Variants in TMPRSS15 observed in about 807,000 individuals in gnomAD.
The protein encoded by TMPRSS15 is transmembrane serine protease 15.
In TMPRSS15, 128 loss-of-function variants were observed where a neutral mutation model predicts 125.3. The ratio of observed to expected loss-of-function variants is 1.02; its 90% CI spans 0.89 to 1.18. The LOEUF (loss-of-function observed/expected upper bound fraction) is 1.18. TMPRSS15 is among the 50% of genes most tolerant of loss of function. The probability of loss-of-function intolerance (pLI) is 0.00; values close to 1 mark genes in which losing one functional copy is unlikely to be tolerated. For synonymous variants in TMPRSS15, 446 were observed against 423.2 expected (o/e 1.05, Z -0.66); for missense variants, 1,283 against 1,212.7 (o/e 1.06, Z -0.86).
At chr21:18,276,577 ATTTG>A (rs1427570225) in intron 23 of TMPRSS15, among the ~76,000 whole-genome samples, 1 of 152,090 alleles carries the variant, frequency 6.6e-6, no homozygotes, top group Non-Finnish European at 1.5e-5. Flanking sequence ...ATGATTTAAA[ATTTG>A]TTTGGTAGAT....
At chr21:18,338,603 C>T (rs1224191462) in intron 13 of TMPRSS15, among the ~76,000 whole-genome samples, 1 of 152,068 alleles carries the variant, frequency 6.6e-6, no homozygotes, top group Non-Finnish European at 1.5e-5. Context: ...TTTTCCTACA[C>T]CCATCCCTAC....
intron 1 of TMPRSS15, among the ~76,000 whole-genome samples, chr21:18,445,382 A>C (rs13052644): frequency 6.6e-6 from 1 of 151,454 alleles, no homozygotes; most frequent in Non-Finnish European, 1.5e-5. Flanking sequence ...GGTTTCACCA[A>C]GCTGGCCAGG....
At chr21:18,445,727 A>G (rs1407914772) in intron 1 of TMPRSS15, among the ~76,000 whole-genome samples, 1 of 152,212 alleles carries the variant, frequency 6.6e-6, no homozygotes, top group Non-Finnish European at 1.5e-5. Context: ...ATTTTATTAG[A>G]TGCTAAAAAA....
At chr21:18,384,370 G>A (rs953911494) in intron 3 of TMPRSS15, among the ~76,000 whole-genome samples, 7 of 151,986 alleles carry the variant, frequency 4.6e-5, no homozygotes, top group African/African-American at 1.7e-4. Context: ...GGTCTATTAG[G>A]GATTCACAAG....
intron 1 of TMPRSS15, among the ~76,000 whole-genome samples, chr21:18,447,828 T>C (rs2076258949): frequency 1.3e-5 from 2 of 152,174 alleles, no homozygotes; most frequent in Admixed American, 6.6e-5. Context: ...TTTCATAAAT[T>C]AGCTAATGTA....
At chr21:18,420,388 CAA>C (rs2076189780) in intron 1 of TMPRSS15, among the ~76,000 whole-genome samples, 1 of 152,080 alleles carries the variant, frequency 6.6e-6, no homozygotes, top group Non-Finnish European at 1.5e-5. Flanking sequence ...GAATAGAACA[CAA>C]AGTCTATTGA....
intron 22 of TMPRSS15, among the ~76,000 whole-genome samples, chr21:18,279,755 A>T (rs998378012): frequency 6.6e-6 from 1 of 152,076 alleles, no homozygotes; most frequent in South Asian, 2.1e-4. Flanking sequence ...AAATTATGGT[A>T]AGGATGATTT....
chr21:18,294,292 A>T lies in TMPRSS15; in HGVS notation c.2464T>A (p.Ser822Thr). 1 of 1,614,238 alleles carries T rather than the reference A, an allele frequency of 6.2e-7. No homozygotes were observed. The change falls in exon 21 of 25, where the codon TCC becomes ACC. Residue 822 changes from serine (S) to threonine (T), a missense_variant. Transcript: ENST00000284885. ...ASLVSSDWLV[S>T]AAHCVYGRNL... ...CACCCATACACGCAGTGTGCGGCGG[A>T]CACCAGCCAGTCACTGCTGACGAGA... is the stretch of plus-strand genomic sequence containing the variant.
chr21:18,330,755 T>C (rs1410670844), intron 14 of TMPRSS15, among the ~76,000 whole-genome samples: 1 of 152,198 alleles, frequency 6.6e-6, no homozygotes, highest in Non-Finnish European at 1.5e-5. Context: ...TTTCAGATTA[T>C]CACTTTGTTC....
intron 18 of TMPRSS15, among the ~76,000 whole-genome samples, chr21:18,298,689 G>T (rs1341228083): frequency 6.6e-6 from 1 of 151,966 alleles, no homozygotes; most frequent in Non-Finnish European, 1.5e-5. Context: ...ATGCCTTTAG[G>T]CTGGAAACAT....
intron 1 of TMPRSS15, among the ~76,000 whole-genome samples, chr21:18,419,468 A>G (rs1474474627): frequency 1.3e-5 from 2 of 151,922 alleles, no homozygotes; most frequent in Admixed American, 6.5e-5. Flanking sequence ...ATCGTGATCC[A>G]CCTGCCTCAG....
chr21:18,306,485 C>T (rs1360525047), intron 18 of TMPRSS15, among the ~76,000 whole-genome samples: 1 of 152,118 alleles, frequency 6.6e-6, no homozygotes, highest in Non-Finnish European at 1.5e-5. Flanking sequence ...TTCTTATTAG[C>T]ATTTGAGAAT....
chr21:18,437,265 T>C (rs1387105429), intron 1 of TMPRSS15, among the ~76,000 whole-genome samples: 1 of 151,772 alleles, frequency 6.6e-6, no homozygotes, highest in Non-Finnish European at 1.5e-5. Flanking sequence ...GAAAACTGGC[T>C]AGCCATATGT....
intron 1 of TMPRSS15, among the ~76,000 whole-genome samples, chr21:18,448,332 A>C (rs984521553): frequency 6.6e-6 from 1 of 152,186 alleles, no homozygotes; most frequent in Non-Finnish European, 1.5e-5. Context: ...GTCACTAAGA[A>C]TGCAGACTCT....
intron 3 of TMPRSS15, among the ~76,000 whole-genome samples, chr21:18,393,054 G>A (rs1050188299): frequency 1.3e-5 from 2 of 152,130 alleles, no homozygotes; most frequent in Non-Finnish European, 2.9e-5. Context: ...GAGAAAGCAG[G>A]ATGGTTTTGA....
At chr21:18,343,425 A>AT (rs1330779244) in intron 12 of TMPRSS15, 81 bp downstream of exon 12, 1 of 1,299,238 alleles carries the variant, frequency 7.7e-7, no homozygotes, top group Non-Finnish European at 1.1e-6. Flanking sequence ...AAATACATTA[A>AT]TTTTTTCACT....
chr21:18,298,902 G>A (rs993244591), intron 18 of TMPRSS15, among the ~76,000 whole-genome samples: 3 of 152,264 alleles, frequency 2.0e-5, no homozygotes, highest in East Asian at 1.9e-4. Flanking sequence ...TAGAAGATAC[G>A]AACTATTTAG....
intron 21 of TMPRSS15, among the ~76,000 whole-genome samples, chr21:18,293,180 C>A (rs1467039259): frequency 1.3e-5 from 2 of 152,164 alleles, no homozygotes; most frequent in Non-Finnish European, 2.9e-5. Flanking sequence ...TGGCATTCCC[C>A]ATCTCCTTTA....
intron 1 of TMPRSS15, among the ~76,000 whole-genome samples, chr21:18,423,676 A>ACCTC (rs2076197033): frequency 1.3e-5 from 2 of 151,488 alleles, no homozygotes; most frequent in Admixed American, 6.6e-5. Context: ...TCAGCCTCCC[A>ACCTC]AAGTGCTGGG....
Sources: gnomAD v4.1 joint callset for allele counts (sites outside exome capture counted in the v4.1 genomes callset) on GRCh38, gnomAD v4.1.1 for gene constraint, MANE v1.5 for transcripts, NCBI Gene and HGNC (gene_info 2026-07-23, HGNC 2026-07-21) for gene names.